BCAP29: variants seen among roughly 807,000 people sequenced by gnomAD.
BCAP29 encodes B-cell receptor-associated protein 29.
In BCAP29, 34 loss-of-function variants were observed where a neutral mutation model predicts 31.8. The observed-to-expected ratio is 1.07, with a 90% CI of 0.81 to 1.42. The LOEUF is 1.42. Ranked by LOEUF, BCAP29 falls within the 40% of genes most tolerant of loss-of-function variation. The probability of loss-of-function intolerance (pLI) is 0.00; values close to 1 mark genes in which losing one functional copy is unlikely to be tolerated. For missense variants in BCAP29, 314 were observed against 269.2 expected (o/e 1.17, Z -1.16); for synonymous variants, 104 against 91.3 (o/e 1.14, Z -0.79).
chr7:107,584,151 T>C (rs778280769), intron 3 of BCAP29, among the ~76,000 whole-genome samples, 169 bp downstream of exon 3: 1 of 152,248 alleles, frequency 6.6e-6, no homozygotes, highest in Non-Finnish European at 1.5e-5. Context: ...ATACTACCAT[T>C]CTGTATGTTC....
chr7:107,606,556 C>CAACACAAGTGTGCTATGTAAAATGGG (rs1392895331), intron 6 of BCAP29, among the ~76,000 whole-genome samples: 2 of 152,172 alleles, frequency 1.3e-5, no homozygotes, highest in South Asian at 2.1e-4. Flanking sequence ...TGTTAGCTCA[C>CAACACAAGTGTGCTATGTAAAATGGG]AACACAAGTG....
intron 3 of BCAP29, among the ~76,000 whole-genome samples, chr7:107,586,507 A>G (rs924936154): frequency 6.6e-6 from 1 of 152,176 alleles, no homozygotes; most frequent in Non-Finnish European, 1.5e-5. Flanking sequence ...TCCATCCAAA[A>G]TGGAGTAATG....
intron 4 of BCAP29, among the ~76,000 whole-genome samples, chr7:107,595,618 C>T (rs1227938926): frequency 1.3e-5 from 2 of 152,176 alleles, no homozygotes; most frequent in Non-Finnish European, 2.9e-5. Flanking sequence ...AAGCCTTCTA[C>T]AGGAAAACAA....
chr7:107,617,916 C>T lies in BCAP29; in HGVS notation c.691-412C>T, dbSNP rs540648912. 2.6e-5 allele frequency among the ~76,000 whole-genome samples: 4 copies of T among 152,142 alleles called. No homozygotes were observed. In the South Asian group the frequency reaches 6.2e-4, roughly 24 times the overall value. On this transcript the variant is annotated intron_variant, in intron 7 of 7. Coordinates refer to ENST00000005259, the MANE Select transcript of BCAP29 (RefSeq NM_018844.4). ...AATATAGTAATCTTTATAACATGATCAGCCAAGTATAATTTGAGAAGTCAG... is the reference window on the plus strand; with the variant it reads ...AATATAGTAATCTTTATAACATGATTAGCCAAGTATAATTTGAGAAGTCAG...
chr7:107,580,296 C>G lies in BCAP29; in HGVS notation c.-20C>G, dbSNP rs1283594265. ...CAGCGCAGGGAGCCAGGCGGGCTGC[C>G]GGCGGGTAAGGGCTTCTGCGACCCG... On this transcript the variant is annotated 5_prime_UTR_variant, in exon 1 of 8. Coordinates refer to ENST00000005259, the MANE Select transcript of BCAP29 (RefSeq NM_018844.4). 6.6e-6 allele frequency: 1 copy of G among 152,168 alleles called. No homozygotes were observed. The highest frequency in any genetic ancestry group is 1.5e-5 in the Non-Finnish European group (1 of 68,164). 9.4% of individuals were successfully genotyped at this position (152,168 alleles called of 1,614,324 possible).
chr7:107,596,312 GTTAAGTTTAC>G (rs930711260), intron 5 of BCAP29, among the ~76,000 whole-genome samples: 4 of 152,050 alleles, frequency 2.6e-5, no homozygotes, highest in Admixed American at 6.6e-5. Context: ...CTTCATTACC[GTTAAGTTTAC>G]TTTATAATCT....
chr7:107,613,378 AG>A lies in BCAP29; in HGVS notation c.637del (p.Glu213ArgfsTer11). On this transcript the variant is annotated frameshift_variant, in exon 7 of 8. Transcript: ENST00000005259. LOFTEE classifies it high-confidence loss of function. ...ATGTGATGGAAATGAAGATGCAGTC[AG>A]AGAGACTTTCGAAAGAATATGATCA... The part of the protein sequence containing the change: ...NDVMEMKMQS[E>X]RLSKEYDQLL... 1 of 1,613,378 alleles carries A rather than the reference AG, an allele frequency of 6.2e-7. No homozygotes were observed. The highest frequency in any genetic ancestry group is 8.5e-7 in the Non-Finnish European group (1 of 1,179,436).
intron 4 of BCAP29, among the ~76,000 whole-genome samples, chr7:107,594,797 C>T (rs368476784): frequency 2.0e-5 from 3 of 152,112 alleles, no homozygotes; most frequent in Admixed American, 6.6e-5. Context: ...CCAACGCGCC[C>T]GGCCTGTAGA....
At chr7:107,599,123 T>C (rs1264034627) in intron 5 of BCAP29, among the ~76,000 whole-genome samples, 6 of 130,926 alleles carry the variant, frequency 4.6e-5, no homozygotes, top group African/African-American at 1.4e-4. Flanking sequence ...AATATATAAA[T>C]ATATTAAAAA....
chr7:107,616,657 A>C (rs938325129), intron 7 of BCAP29, among the ~76,000 whole-genome samples: 1 of 152,000 alleles, frequency 6.6e-6, no homozygotes, highest in Non-Finnish European at 1.5e-5. Context: ...TTTTTCCTTC[A>C]CCTACCCATC....
In BCAP29 at chr7:107,614,075, A is replaced by G. The variant is rs558337095; in HGVS notation, c.690+643A>G. On this transcript the variant is annotated intron_variant, in intron 7 of 7. Coordinates refer to ENST00000005259, the MANE Select transcript of BCAP29 (RefSeq NM_018844.4). ...TGATTTCTCAGACACACTCTGATCA[A>G]TTGGGGAAGAGACCATTCCAGAGAC... is the stretch of plus-strand genomic sequence containing the variant. 6.8e-4 allele frequency among the ~76,000 whole-genome samples: 104 copies of G among 152,290 alleles called. 1 individual carries two copies. The South Asian group carries it at 8.1e-3, about 12-fold the overall frequency.
chr7:107,584,566 G>A (rs1191719161), intron 3 of BCAP29, among the ~76,000 whole-genome samples: 1 of 152,110 alleles, frequency 6.6e-6, no homozygotes, highest in African/African-American at 2.4e-5. Context: ...AAATTAGCCA[G>A]GTGTGGTGAT....
downstream of BCAP29, chr7:107,623,312 A>T (rs1175922722): frequency 6.6e-6 from 1 of 152,138 alleles, no homozygotes; most frequent in East Asian, 1.9e-4. Context: ...TACATCCTCT[A>T]CTGTCTCTGC....
chr7:107,616,897 C>T (rs146253360), intron 7 of BCAP29, among the ~76,000 whole-genome samples: 12 of 152,228 alleles, frequency 7.9e-5, no homozygotes, highest in Admixed American at 2.6e-4. Flanking sequence ...TGCCACCATG[C>T]GCAGCTAAGT....
At chr7:107,596,828 T>G (rs995066455) in intron 5 of BCAP29, among the ~76,000 whole-genome samples, 1 of 152,220 alleles carries the variant, frequency 6.6e-6, no homozygotes, top group African/African-American at 2.4e-5. Flanking sequence ...TCAAAATACT[T>G]TTGCAACTTT....
downstream of BCAP29, chr7:107,621,390 C>T: frequency 5.9e-6 from 1 of 170,732 alleles, no homozygotes; most frequent in Non-Finnish European, 1.3e-5. Context: ...TGTTTCTTTC[C>T]AGTTTGATCT....
intron 6 of BCAP29, among the ~76,000 whole-genome samples, chr7:107,611,267 C>G (rs1813078977): frequency 6.6e-6 from 1 of 152,094 alleles, no homozygotes; most frequent in Non-Finnish European, 1.5e-5. Flanking sequence ...CAACAACATT[C>G]TTAAAACTAC....
chr7:107,615,242 A>G, intron 7 of BCAP29: 1 of 456,700 alleles, frequency 2.2e-6, no homozygotes, highest in Non-Finnish European at 4.4e-6. Context: ...TTTCCTCCCC[A>G]CAGAAAAGCC....
At chr7:107,609,993 C>T (rs1270776328) in intron 6 of BCAP29, among the ~76,000 whole-genome samples, 1 of 152,230 alleles carries the variant, frequency 6.6e-6, no homozygotes, top group Non-Finnish European at 1.5e-5. Flanking sequence ...GGCAGTGTTT[C>T]TATCTCTGGT....
Sources: allele counts gnomAD v4.1 joint callset (sites outside exome capture counted in the v4.1 genomes callset), GRCh38; gene constraint gnomAD v4.1.1; transcripts MANE v1.5; gene names NCBI Gene and HGNC (gene_info 2026-07-23, HGNC 2026-07-21).